Variants in EYS observed in about 807,000 individuals in gnomAD.
EYS encodes the protein EGF-like photoreceptor maintenance factor, also known as protein eyes shut homolog.
Under a neutral mutation model 282.1 loss-of-function variants are expected in EYS, and 250 were observed. That is an observed-to-expected ratio of 0.89 (90% CI 0.80 to 0.98). EYS has a LOEUF of 0.98. EYS is among the 50% of genes least tolerant of loss of function. The pLI, the probability that EYS is intolerant of heterozygous loss-of-function variation, is 0.00. For synonymous variants in EYS, 1,355 were observed against 1,282.9 expected, an observed-to-expected ratio of 1.06 and a Z score of -1.20; for missense variants, 4,016 against 3,709.0, an observed-to-expected ratio of 1.08 and a Z score of -2.15.
intron 11 of EYS, among the ~76,000 whole-genome samples, chr6:65,306,105 T>A (rs1373089448): frequency 6.6e-6 from 1 of 152,136 alleles, no homozygotes; most frequent in Non-Finnish European, 1.5e-5. Context: ...AGGAGATATG[T>A]TGTATATAAT....
chr6:63,971,377 G>T (rs1423629108), intron 35 of EYS, among the ~76,000 whole-genome samples: 1 of 152,132 alleles, frequency 6.6e-6, no homozygotes, highest in East Asian at 1.9e-4. Flanking sequence ...TATAAAACAG[G>T]AAAATAATCC....
intron 30 of EYS, among the ~76,000 whole-genome samples, chr6:64,290,894 C>T (rs567494414): frequency 6.5e-5 from 2 of 30,702 alleles, no homozygotes; most frequent in South Asian, 2.0e-3. Context: ...TCTGTTACAA[C>T]TACTCAACTG....
chr6:65,591,662 A>C (rs1765238144), intron 2 of EYS, among the ~76,000 whole-genome samples: 1 of 151,852 alleles, frequency 6.6e-6, no homozygotes, highest in African/African-American at 2.4e-5. Context: ...CATTATATGC[A>C]TGTCACCATT....
chr6:65,447,777 G>A (rs1343149659), intron 5 of EYS, among the ~76,000 whole-genome samples: 1 of 152,008 alleles, frequency 6.6e-6, no homozygotes, highest in Non-Finnish European at 1.5e-5. Context: ...AATAACTAAT[G>A]AATCATGAGG....
At chr6:65,201,740 A>G (rs189499803) in intron 12 of EYS, among the ~76,000 whole-genome samples, 1 of 152,264 alleles carries the variant, frequency 6.6e-6, no homozygotes, top group Admixed American at 6.5e-5. Context: ...TAACACCTAT[A>G]TGGTCCAGAA....
At chr6:64,928,350 C>A (rs1399376294) in intron 15 of EYS, among the ~76,000 whole-genome samples, 2 of 151,822 alleles carry the variant, frequency 1.3e-5, no homozygotes, top group Non-Finnish European at 2.9e-5. Context: ...TACATTTTTC[C>A]TTTATTTCCA....
At chr6:65,164,410 A>G (rs567406379) in intron 12 of EYS, among the ~76,000 whole-genome samples, 3 of 146,896 alleles carry the variant, frequency 2.0e-5, no homozygotes, top group African/African-American at 7.9e-5. Flanking sequence ...CTTTTACTGC[A>G]TTTGTTATTT....
intron 2 of EYS, among the ~76,000 whole-genome samples, chr6:65,518,919 T>C (rs1404478927): frequency 6.6e-6 from 1 of 152,012 alleles, no homozygotes; most frequent in Non-Finnish European, 1.5e-5. Context: ...CCACCAGGTC[T>C]CTCCCATGAC....
At chr6:64,490,230 C>A (rs955648100) in intron 26 of EYS, among the ~76,000 whole-genome samples, 1 of 150,744 alleles carries the variant, frequency 6.6e-6, no homozygotes. Flanking sequence ...ATATAATACA[C>A]TAAAACTGAA....
intron 12 of EYS, among the ~76,000 whole-genome samples, chr6:65,094,885 GAGAAACA>G (rs1561963122): frequency 6.6e-6 from 1 of 150,800 alleles, no homozygotes; most frequent in Non-Finnish European, 1.5e-5. Flanking sequence ...AAATAGCCTA[GAGAAACA>G]AGAAAAAATG....
At chr6:65,092,103 T>C (rs1929724) in intron 12 of EYS, among the ~76,000 whole-genome samples, 53,346 of 151,944 alleles carry the variant, frequency 0.35, 9,922 homozygotes, top group African/African-American at 0.44. Flanking sequence ...TAAGAAGATG[T>C]ACATTAGAAT....
Position 63,782,953 on chromosome 6 carries a change from CT to C in EYS, c.7724-4774del, listed in dbSNP as rs370852211. ...CTTTTTTTTTTAAACTGCAGTATAG[CT>C]TTTTTTTTTTTTATCCTGGGTTTCT... On this transcript the variant is annotated intron_variant, in intron 39 of 42. Coordinates refer to ENST00000503581, the MANE Select transcript of EYS (RefSeq NM_001142800.2). Among the ~76,000 whole-genome samples, 619 of 139,194 alleles carry C rather than the reference CT, an allele frequency of 4.4e-3. 5 individuals are homozygous for C. Among genetic ancestry groups the C allele is most frequent in the East Asian group, 0.012 (55 of 4,764 alleles). The allele number at this position is 139,194 out of a possible 152,430, so 91.3% of individuals were successfully genotyped here.
chr6:63,968,780 C>T (rs1766422281), intron 35 of EYS, among the ~76,000 whole-genome samples: 1 of 152,142 alleles, frequency 6.6e-6, no homozygotes, highest in Non-Finnish European at 1.5e-5. Context: ...TGATGTTCAC[C>T]ACTATTAAGT....
chr6:63,916,253 T>C (rs953260241), intron 35 of EYS, among the ~76,000 whole-genome samples: 1 of 152,206 alleles, frequency 6.6e-6, no homozygotes, highest in Non-Finnish European at 1.5e-5. Context: ...GCTCAGATGA[T>C]TGTTGGCATA....
At chr6:64,688,947 C>T (rs1338113912) in intron 22 of EYS, among the ~76,000 whole-genome samples, 1 of 151,652 alleles carries the variant, frequency 6.6e-6, no homozygotes, top group Non-Finnish European at 1.5e-5. Context: ...TCCTATTCAA[C>T]ATAGTGTTGG....
chr6:63,960,006 C>T (rs551175025), intron 35 of EYS, among the ~76,000 whole-genome samples: 3 of 151,374 alleles, frequency 2.0e-5, no homozygotes, highest in African/African-American at 4.9e-5. Flanking sequence ...CCACATGTAT[C>T]CTGGAACCTA....
At chr6:65,372,129 A>G (rs1418840290) in intron 8 of EYS, among the ~76,000 whole-genome samples, 5 of 152,014 alleles carry the variant, frequency 3.3e-5, no homozygotes, top group African/African-American at 2.4e-5. Context: ...GCCTTATAGG[A>G]GATTTAAAAA....
At chr6:64,058,284 T>A (rs1308866668) in intron 33 of EYS, among the ~76,000 whole-genome samples, 2 of 148,958 alleles carry the variant, frequency 1.3e-5, no homozygotes, top group South Asian at 2.1e-4. Flanking sequence ...AAAAAAAAAA[T>A]AGAATGGTCT....
rs1769336832 is a variant in EYS at position 65,693,857 on chromosome 6, C to T, written c.-448+13278G>A. Among the ~76,000 whole-genome samples, 2 of 150,008 alleles carry T rather than the reference C, an allele frequency of 1.3e-5. 1 individual carries two copies. Among genetic ancestry groups the T allele is most frequent in the East Asian group, 4.6e-4 (2 of 4,354 alleles). On this transcript the variant is annotated intron_variant, in intron 1 of 42. Coordinates refer to ENST00000503581, the MANE Select transcript of EYS (RefSeq NM_001142800.2). ...TCAATAGACAAATCTAAGCACCCAT[C>T]TCAGCTTGCACAGTACATTGCTGGT...
Sources: gnomAD v4.1 joint callset for allele counts (sites outside exome capture counted in the v4.1 genomes callset) on GRCh38, gnomAD v4.1.1 for gene constraint, MANE v1.5 for transcripts, NCBI Gene and HGNC (gene_info 2026-07-23, HGNC 2026-07-21) for gene names.